COL7A1: variants seen among roughly 807,000 people sequenced by gnomAD.
COL7A1 encodes collagen type VII alpha 1 chain.
In COL7A1, 296 loss-of-function variants were observed where a neutral mutation model predicts 456.2. That is an observed-to-expected ratio of 0.65 (90% CI 0.59 to 0.71). The LOEUF (loss-of-function observed/expected upper bound fraction) is 0.71. Ranked by LOEUF, COL7A1 falls within the 30% of genes least tolerant of loss-of-function variation. The probability of loss-of-function intolerance (pLI) is 0.00; values close to 1 mark genes in which losing one functional copy is unlikely to be tolerated. For synonymous variants in COL7A1, 1,464 were observed against 1,525.9 expected (o/e 0.96, Z 0.95); for missense variants, 3,441 against 4,017.2 (o/e 0.86, Z 3.88).
rs1270992688 is a variant in COL7A1 at position 48,575,534 on chromosome 3, G to A, written c.5985C>T (p.Pro1995=). 1.9e-6 allele frequency: 3 copies of A among 1,612,652 alleles called. No individual in the cohort carries two copies. Among genetic ancestry groups the A allele is most frequent in the Non-Finnish European group, 2.5e-6 (3 of 1,179,984 alleles). Residue 1995 remains proline, a synonymous_variant, in exon 74 of 119, where the codon CCC becomes CCT. Transcript: ENST00000681320. This position sits in a 1 kb window ranked among gnomAD's most constrained non-coding sequence, Gnocchi z 6.3. The part of the protein sequence containing the change: ...GEQGPPGKEG[P]IGFPGERGLK... Reference sequence around the variant, plus strand: ...GCCCGCGTTCTCCAGGAAAGCCGATGGGGCCCTGCAGGAGTGGAAGAGAGA... The same window carrying A: ...GCCCGCGTTCTCCAGGAAAGCCGATAGGGCCCTGCAGGAGTGGAAGAGAGA...
rs772008402 is a variant in COL7A1, at chr3:48,578,133, C to T, written c.5532+188G>A. On this transcript the variant is annotated intron_variant, in intron 65 of 118. Transcript: ENST00000681320. This position sits in a 1 kb window ranked among gnomAD's most constrained non-coding sequence, Gnocchi z 4.7. The stretch of plus-strand genomic sequence containing the variant: ...GAGCTGAGATTGTGCCACTGCACTC[C>T]AACCTGGGCAACAAGAGCGAAACTC... Among the ~76,000 whole-genome samples the T allele has an allele frequency of 8.6e-5, 13 of 151,606 alleles. No individual in the cohort carries two copies. The highest frequency in any genetic ancestry group is 1.6e-4 in the Non-Finnish European group (11 of 67,934).
chr3:48,586,117 CT>C lies in COL7A1; in HGVS notation c.3679del (p.Ser1227ValfsTer38). On this transcript the variant is annotated frameshift_variant, in exon 28 of 119. Transcript: ENST00000681320. LOFTEE classifies it high-confidence loss of function. The surrounding 1 kb of genome is among the most constrained non-coding windows in gnomAD (Gnocchi z 5.1). ...CTGACACAGGGCTGTGGCCAGACCACTGACTGCCTGGTCCAGGCTTGGCCCA... is the reference window on the plus strand; with the variant it reads ...CTGACACAGGGCTGTGGCCAGACCACGACTGCCTGGTCCAGGCTTGGCCCA... The part of the protein sequence containing the change: ...DDGPSLDQAV[S>X]GLATALCQAS... 1 of 1,613,578 alleles carries C rather than the reference CT, an allele frequency of 6.2e-7. No homozygotes were observed. Among genetic ancestry groups the C allele is most frequent in the Non-Finnish European group, 8.5e-7 (1 of 1,180,046 alleles).
chr3:48,573,542 C>A lies in COL7A1; in HGVS notation c.6589G>T (p.Ala2197Ser). The A allele has an allele frequency of 6.2e-7, 1 of 1,614,132 alleles. No homozygotes were observed. Among genetic ancestry groups the A allele is most frequent in the Non-Finnish European group, 8.5e-7 (1 of 1,180,012 alleles). Reference sequence around the variant, plus strand: ...AGGCCAGAAGGTCCTTGGGGTCCTGCAGGGCCAGCAAGACCCTAGAGAAAA... The same window carrying A: ...AGGCCAGAAGGTCCTTGGGGTCCTGAAGGGCCAGCAAGACCCTAGAGAAAA... ...PPGAPGLAGPAGPQGPSGLKG... is the reference protein window; with the variant it reads ...PPGAPGLAGPSGPQGPSGLKG... Residue 2197 changes from alanine (A) to serine (S), a missense_variant, in exon 83 of 119, where the codon GCA becomes TCA. Coordinates refer to ENST00000681320, the MANE Select transcript of COL7A1 (RefSeq NM_000094.4). The surrounding 1 kb of genome is among the most constrained non-coding windows in gnomAD (Gnocchi z 5.5).
chr3:48,593,317 C>CA lies in COL7A1; in HGVS notation c.520+38dup. 1.2e-6 allele frequency: 2 copies of CA among 1,614,022 alleles called. No individual in the cohort carries two copies. The highest frequency in any genetic ancestry group is 1.7e-6 in the Non-Finnish European group (2 of 1,179,974). On this transcript the variant is annotated intron_variant, in intron 5 of 118. Transcript: ENST00000681320. The surrounding 1 kb of genome is among the most constrained non-coding windows in gnomAD (Gnocchi z 4.4). ...CACCCACATGCTCTCTGACTGCCCC[C>CA]ACCCCCCAGCTGACCTGTCACTCCT...
At position 48,565,751 on chromosome 3, in the gene COL7A1, G is replaced by T; in HGVS notation, c.8408-83C>A. On this transcript the variant is annotated intron_variant, in intron 114 of 118. Coordinates refer to ENST00000681320, the MANE Select transcript of COL7A1 (RefSeq NM_000094.4). The surrounding 1 kb of genome is among the most constrained non-coding windows in gnomAD (Gnocchi z 4.5). ...AGAGACAGACAGAGACACACAGGCA[G>T]AGGGGTAGAGATACACAAAGAGATA... is the stretch of plus-strand genomic sequence containing the variant. The T allele has an allele frequency of 1.5e-6, 2 of 1,314,136 alleles. No homozygotes were observed. The highest frequency in any genetic ancestry group is 1.3e-5 in the South Asian group (1 of 79,498). 81.4% of individuals were successfully genotyped at this position (1,314,136 alleles called of 1,614,324 possible). A position where few individuals can be genotyped will look rare whatever the true frequency, so the allele number is the denominator to read the frequency against.
At position 48,583,060 on chromosome 3, in the gene COL7A1, G is replaced by A; in HGVS notation, c.4483-12C>T. The A allele has an allele frequency of 6.2e-7, 1 of 1,614,070 alleles. No individual in the cohort carries two copies. The highest frequency in any genetic ancestry group is 8.5e-7 in the Non-Finnish European group (1 of 1,179,994). On this transcript the variant is annotated splice_polypyrimidine_tract_variant and intron_variant, in intron 43 of 118. Coordinates refer to ENST00000681320, the MANE Select transcript of COL7A1 (RefSeq NM_000094.4). This position sits in a 1 kb window ranked among gnomAD's most constrained non-coding sequence, Gnocchi z 5.1. Reference sequence around the variant, plus strand: ...GGTCCACGTTCGCCCTGATGGAAAAGAAGAGGTCAGAGCTGAGTTGGGCCC... The same window carrying A: ...GGTCCACGTTCGCCCTGATGGAAAAAAAGAGGTCAGAGCTGAGTTGGGCCC...
rs1345246454 is a variant in COL7A1 at position 48,585,876 on chromosome 3, A to G, written c.3760-20T>C. On this transcript the variant is annotated intron_variant, in intron 29 of 118. Coordinates refer to ENST00000681320, the MANE Select transcript of COL7A1 (RefSeq NM_000094.4). This position sits in a 1 kb window ranked among gnomAD's most constrained non-coding sequence, Gnocchi z 4.5. ...CTGGCCCTGGGGAAAGACATGTCAG[A>G]TGTGGGTCAGAGTGGCTAGCCCCAG... 1 of 1,613,952 alleles carries G rather than the reference A, an allele frequency of 6.2e-7. No homozygotes were observed. Among genetic ancestry groups the G allele is most frequent in the Non-Finnish European group, 8.5e-7 (1 of 1,180,014 alleles).
In COL7A1 at chr3:48,579,638, G is replaced by A; in HGVS notation, c.5185C>T (p.Pro1729Ser). The change falls in exon 59 of 119, where the codon CCT (proline) becomes TCT (serine). Residue 1729 changes from proline to serine, a missense_variant. Around this residue, in one of 3 missense-constraint regions of COL7A1, gnomAD observed 2,084 missense variants for 2,501.3 expected, o/e 0.83. Transcript: ENST00000681320. This position sits in a 1 kb window ranked among gnomAD's most constrained non-coding sequence, Gnocchi z 4.4. ...GEPGDRGQEG[P>S]RGPKGDPGLP... ...CCAGGATCACCCTTGGGCCCTCGAG[G>A]ACCCTCTTGTCCGCGGTCCCCAGGC... is the stretch of plus-strand genomic sequence containing the variant. 2.5e-6 allele frequency: 4 copies of A among 1,613,652 alleles called. No homozygotes were observed. The highest frequency in any genetic ancestry group is 3.4e-6 in the Non-Finnish European group (4 of 1,179,982).
intron 35 of COL7A1, 48 bp from the exon 36 acceptor site, chr3:48,584,604 G>A: frequency 6.2e-7 from 1 of 1,612,518 alleles, no homozygotes; most frequent in Non-Finnish European, 8.5e-7. Flanking sequence ...TGGGGGCCTT[G>A]AGCTGGAAGA....
chr3:48,585,695 G>A lies in COL7A1; in HGVS notation c.3826C>T (p.Leu1276Phe), dbSNP rs2045195228. Reference protein sequence around the residue: ...GQVGPPGDPGLPGRTGAPGPQ... With the variant: ...GQVGPPGDPGFPGRTGAPGPQ... ...CAGATGTGGGGGACACTCACCGGGA[G>A]GCCAGGGTCGCCAGGAGGCCCAACT... Residue 1276 changes from leucine to phenylalanine, a missense_variant, in exon 31 of 119, where the codon CTC (leucine) becomes TTC (phenylalanine). Coordinates refer to ENST00000681320, the MANE Select transcript of COL7A1 (RefSeq NM_000094.4). This position sits in a 1 kb window ranked among gnomAD's most constrained non-coding sequence, Gnocchi z 4.5. 4 of 1,614,064 alleles carry A rather than the reference G, an allele frequency of 2.5e-6. No homozygotes were observed. Among genetic ancestry groups the A allele is most frequent in the Middle Eastern group, 1.6e-4 (1 of 6,062 alleles).
rs760096740 is a variant in COL7A1 at position 48,568,789 on chromosome 3, G to A, written c.7753C>T (p.Pro2585Ser). 1.3e-6 allele frequency: 2 copies of A among 1,567,878 alleles called. No homozygotes were observed. Among genetic ancestry groups the A allele is most frequent in the East Asian group, 2.3e-5 (1 of 42,674 alleles). Residue 2585 changes from proline to serine, a missense_variant, in exon 104 of 119, where the codon CCC (proline) becomes TCC (serine). Physicochemically the swap from Pro to Ser is moderately conservative, Grantham distance 74. Around this residue, in one of 3 missense-constraint regions of COL7A1, gnomAD observed 2,084 missense variants for 2,501.3 expected, o/e 0.83. Coordinates refer to ENST00000681320, the MANE Select transcript of COL7A1 (RefSeq NM_000094.4). The surrounding 1 kb of genome is among the most constrained non-coding windows in gnomAD (Gnocchi z 5.2). Reference protein sequence around the residue: ...GLPGLRGLLGPQGQPGAAGIP... With the variant: ...GLPGLRGLLGSQGQPGAAGIP... ...GGGCCTGGGGCAGAACTTGCCTGGG[G>A]TCCCAGGAGTCCACGCAGTCCTGGC...
intron 35 of COL7A1, 54 bp downstream of exon 35, chr3:48,584,680 C>T: frequency 6.2e-7 from 1 of 1,613,652 alleles, no homozygotes; most frequent in Non-Finnish European, 8.5e-7. Context: ...TGGTGTGGGG[C>T]AGTCCTGCTC....
rs544267330 is a variant in COL7A1, at chr3:48,566,137, A to G, written c.8407+130T>C. ...ATGTCATGTGTCAGTCCTGCAGCAC[A>G]TGTGTCCTTCTGTGTATCCATCCAT... On this transcript the variant is annotated intron_variant, in intron 114 of 118. Transcript: ENST00000681320. This position sits in a 1 kb window ranked among gnomAD's most constrained non-coding sequence, Gnocchi z 5.9. 1.0e-3 allele frequency: 1,018 copies of G among 970,008 alleles called. No homozygotes were observed. The highest frequency in any genetic ancestry group is 1.4e-3 in the Non-Finnish European group (855 of 624,136). The allele number at this position is 970,008 out of a possible 1,614,324, so 60.1% of individuals were successfully genotyped here. A position where few individuals can be genotyped will look rare whatever the true frequency, so the allele number is the denominator to read the frequency against.
Position 48,587,983 on chromosome 3 carries a change from T to C in COL7A1, c.2711-44A>G. 1 of 1,551,688 alleles carries C rather than the reference T, an allele frequency of 6.4e-7. No individual in the cohort carries two copies. Reference sequence around the variant, plus strand: ...TGGGGGCCAAGAGCATGTGGGATAGTGACACCTGGGGGCATTAAAGGGCCT... The same window carrying C: ...TGGGGGCCAAGAGCATGTGGGATAGCGACACCTGGGGGCATTAAAGGGCCT... On this transcript the variant is annotated intron_variant, in intron 21 of 118. Transcript: ENST00000681320. This position sits in a 1 kb window ranked among gnomAD's most constrained non-coding sequence, Gnocchi z 6.1.
At position 48,581,406 on chromosome 3, in the gene COL7A1, A is replaced by G; in HGVS notation, c.4818+42T>C. 2.5e-6 allele frequency: 4 copies of G among 1,613,532 alleles called. No individual in the cohort carries two copies. The highest frequency in any genetic ancestry group is 3.4e-6 in the Non-Finnish European group (4 of 1,179,920). On this transcript the variant is annotated intron_variant, in intron 51 of 118. Coordinates refer to ENST00000681320, the MANE Select transcript of COL7A1 (RefSeq NM_000094.4). The surrounding 1 kb of genome is among the most constrained non-coding windows in gnomAD (Gnocchi z 5.8). The stretch of plus-strand genomic sequence containing the variant: ...AGCAAGCAGTTCTCAAGGGGAGGGG[A>G]CCCCAGAAGCCTTGAGGTTGCCCAG...
rs763148429 is a variant in COL7A1, at chr3:48,571,307, G to A, written c.7069-29C>T. 1.9e-6 allele frequency: 3 copies of A among 1,613,902 alleles called. No homozygotes were observed. The South Asian group carries it at 3.3e-5, about 18-fold the overall frequency. ...AGAAAACCCAGCAAACAGCATTTGA[G>A]AGGGTAGGAACATGAGCACAGAGTT... On this transcript the variant is annotated intron_variant, in intron 92 of 118. Transcript: ENST00000681320. This position sits in a 1 kb window ranked among gnomAD's most constrained non-coding sequence, Gnocchi z 4.6.
chr3:48,580,595 C>T lies in COL7A1; in HGVS notation c.5038G>A (p.Glu1680Lys), dbSNP rs534729539. 1 of 1,613,934 alleles carries T rather than the reference C, an allele frequency of 6.2e-7. No individual in the cohort carries two copies. Among genetic ancestry groups the T allele is most frequent in the African/African-American group, 1.3e-5 (1 of 74,966 alleles). ...CTGGGACTCACATTTCGTCCATCCT[C>T]TCCAGGATCTCCCTGGTCTCCCTTT... The part of the protein sequence containing the change: ...GEKGDQGDPG[E>K]DGRNGSPGSS... Residue 1680 changes from glutamate to lysine, a missense_variant, in exon 55 of 119, where the codon GAG becomes AAG. By Grantham distance (56) the Glu-to-Lys change is moderately conservative (BLOSUM62 1). Transcript: ENST00000681320. The surrounding 1 kb of genome is among the most constrained non-coding windows in gnomAD (Gnocchi z 4.5).
In COL7A1 at chr3:48,564,332, G is replaced by A; in HGVS notation, c.*74C>T. 1.3e-6 allele frequency: 2 copies of A among 1,557,538 alleles called. No individual in the cohort carries two copies. Among genetic ancestry groups the A allele is most frequent in the East Asian group, 2.2e-5 (1 of 44,598 alleles). ...GTGCACACAAGCCTCTAGCACCAAG[G>A]GGAGGGACAGTGGGGTTCTGCTGAG... On this transcript the variant is annotated 3_prime_UTR_variant, in exon 119 of 119. Coordinates refer to ENST00000681320, the MANE Select transcript of COL7A1 (RefSeq NM_000094.4). This position sits in a 1 kb window ranked among gnomAD's most constrained non-coding sequence, Gnocchi z 6.0.
intron 37 of COL7A1, 83 bp from the exon 38 acceptor site, chr3:48,584,144 A>G (rs2045023956): frequency 6.2e-7 from 1 of 1,609,998 alleles, no homozygotes; most frequent in African/African-American, 1.3e-5. Flanking sequence ...CATGGGGTCC[A>G]ATTGGATTTC....
Sources: gnomAD v4.1 joint callset for allele counts (sites outside exome capture counted in the v4.1 genomes callset) on GRCh38, gnomAD v4.1.1 for gene constraint, gnomAD v4.1.1 regional missense constraint, Gnocchi (gnomAD v3.1) non-coding constraint, MANE v1.5 for transcripts, NCBI Gene and HGNC (gene_info 2026-07-23, HGNC 2026-07-21) for gene names.